The following FBXL17 variants were observed in gnomAD, a reference collection of about 807,000 sequenced individuals.
FBXL17 encodes the protein F-box and leucine rich repeat protein 17.
Under a neutral mutation model 66.2 loss-of-function variants are expected in FBXL17, and 22 were observed. The ratio of observed to expected loss-of-function variants is 0.33; its 90% CI spans 0.24 to 0.47. The LOEUF is 0.47. Among genes scored for constraint, FBXL17 ranks in the 20% least tolerant of loss-of-function variants. The pLI, the probability that FBXL17 is intolerant of heterozygous loss-of-function variation, is 1.00. For synonymous variants in FBXL17, 474 were observed against 400.5 expected (o/e 1.18, Z -2.19); for missense variants, 878 against 948.2 (o/e 0.93, Z 0.97).
rs538331805 is a variant in FBXL17, at chr5:108,050,179, C to T, written c.1746-29178G>A. On this transcript the variant is annotated intron_variant, in intron 6 of 8. Coordinates refer to ENST00000542267, the MANE Select transcript of FBXL17 (RefSeq NM_001163315.3). ...CCTCTGTCAATATTAGATAGATTAA[C>T]GAGACAGAAAATTAACAAGGATATT... Among the ~76,000 whole-genome samples the T allele has an allele frequency of 4.6e-5, 7 of 152,296 alleles. No homozygotes were observed. The East Asian group carries it at 5.8e-4, about 13-fold the overall frequency.
chr5:107,945,104 T>A (rs1361165793), intron 7 of FBXL17, among the ~76,000 whole-genome samples: 1 of 151,990 alleles, frequency 6.6e-6, no homozygotes, highest in Non-Finnish European at 1.5e-5. Flanking sequence ...AAAAAAGATA[T>A]GAATGGACAA....
intron 5 of FBXL17, among the ~76,000 whole-genome samples, chr5:108,206,410 T>C (rs903864748): frequency 1.3e-5 from 2 of 152,176 alleles, no homozygotes; most frequent in African/African-American, 4.8e-5. Context: ...AGACTGCACA[T>C]ACATATTTAA....
At chr5:108,256,892 C>T (rs1318467478) in intron 4 of FBXL17, among the ~76,000 whole-genome samples, 1 of 151,682 alleles carries the variant, frequency 6.6e-6, no homozygotes, top group Admixed American at 6.6e-5. Flanking sequence ...GTTTTTTAAG[C>T]GTGTAACAAG....
intron 7 of FBXL17, among the ~76,000 whole-genome samples, chr5:108,015,010 G>C (rs1323023100): frequency 6.6e-6 from 1 of 151,924 alleles, no homozygotes; most frequent in Non-Finnish European, 1.5e-5. Flanking sequence ...TCTCCCATTG[G>C]GTCTCTCCCA....
At chr5:108,298,904 A>ACTGAT (rs1580769919) in intron 4 of FBXL17, 1 of 938,214 alleles carries the variant, frequency 1.1e-6, no homozygotes, top group African/African-American at 1.8e-5. Context: ...CCATATCCAC[A>ACTGAT]TTAAAAGTAT....
At chr5:108,180,688 T>C (rs1020287865) in intron 6 of FBXL17, among the ~76,000 whole-genome samples, 3 of 152,158 alleles carry the variant, frequency 2.0e-5, no homozygotes, top group East Asian at 1.9e-4. Context: ...CTTACATAAA[T>C]ACAAGATTCA....
chr5:108,300,456 G>T (rs1758537055), intron 4 of FBXL17, among the ~76,000 whole-genome samples: 1 of 151,716 alleles, frequency 6.6e-6, no homozygotes, highest in South Asian at 2.1e-4. Flanking sequence ...TATAATAGTT[G>T]TAATTAAATG....
At chr5:108,105,605 G>A (rs1173623468) in intron 6 of FBXL17, among the ~76,000 whole-genome samples, 1 of 152,144 alleles carries the variant, frequency 6.6e-6, no homozygotes, top group Admixed American at 6.5e-5. Flanking sequence ...AAAAGAAAAA[G>A]AGCCATATAG....
At chr5:107,955,355 A>G (rs1751628687) in intron 7 of FBXL17, among the ~76,000 whole-genome samples, 1 of 152,176 alleles carries the variant, frequency 6.6e-6, no homozygotes, top group Non-Finnish European at 1.5e-5. Flanking sequence ...TTTAAAAACA[A>G]AAAAACTAAG....
chr5:108,169,429 T>G (rs10036675), intron 6 of FBXL17, among the ~76,000 whole-genome samples: 29,296 of 152,126 alleles, frequency 0.19, 3,528 homozygotes, highest in East Asian at 0.54. Flanking sequence ...TGTTTTGGTT[T>G]CCTTCAAATT....
intron 6 of FBXL17, among the ~76,000 whole-genome samples, chr5:108,047,132 C>T (rs543542100): frequency 6.6e-6 from 1 of 152,274 alleles, no homozygotes; most frequent in Non-Finnish European, 1.5e-5. Flanking sequence ...GTTCTTTCAA[C>T]AGAACTGACT....
intron 3 of FBXL17, among the ~76,000 whole-genome samples, chr5:108,355,260 C>T (rs1449440595): frequency 7.1e-6 from 1 of 141,410 alleles, no homozygotes; most frequent in African/African-American, 2.6e-5. Context: ...GGATGAAAAA[C>T]TTTATTTATT....
intron 6 of FBXL17, among the ~76,000 whole-genome samples, chr5:108,168,037 T>C (rs1357938941): frequency 6.6e-6 from 1 of 152,176 alleles, no homozygotes; most frequent in East Asian, 1.9e-4. Flanking sequence ...TGTGAGGAGC[T>C]TGTCACATCT....
At chr5:108,228,558 T>C (rs1292404332) in intron 4 of FBXL17, among the ~76,000 whole-genome samples, 1 of 152,178 alleles carries the variant, frequency 6.6e-6, no homozygotes, top group Non-Finnish European at 1.5e-5. Flanking sequence ...TAAAATAAGA[T>C]AATGCATGTA....
At chr5:108,055,534 G>A (rs181524141) in intron 6 of FBXL17, among the ~76,000 whole-genome samples, 41 of 148,884 alleles carry the variant, frequency 2.8e-4, no homozygotes, top group Non-Finnish European at 4.9e-4. Flanking sequence ...GCGTGAACCC[G>A]GGAGGTGGAG....
chr5:108,237,797 G>T (rs900730826), intron 4 of FBXL17, among the ~76,000 whole-genome samples: 1 of 152,178 alleles, frequency 6.6e-6, no homozygotes, highest in African/African-American at 2.4e-5. Flanking sequence ...GGGCACCTTA[G>T]TTAGGCCTAG....
chr5:108,370,667 T>C (rs773501873), intron 1 of FBXL17, among the ~76,000 whole-genome samples: 3 of 151,068 alleles, frequency 2.0e-5, no homozygotes, highest in Non-Finnish European at 4.4e-5. Flanking sequence ...CATTTGAACC[T>C]GGAAGGCGAA....
At chr5:108,256,244 T>C (rs1012438777) in intron 4 of FBXL17, among the ~76,000 whole-genome samples, 1 of 152,202 alleles carries the variant, frequency 6.6e-6, no homozygotes, top group African/African-American at 2.4e-5. Context: ...ATTCAATTAA[T>C]ATTAGGCAAA....
At chr5:108,247,372 A>G (rs1032475094) in intron 4 of FBXL17, among the ~76,000 whole-genome samples, 1 of 152,184 alleles carries the variant, frequency 6.6e-6, no homozygotes, top group African/African-American at 2.4e-5. Flanking sequence ...GAATGTACAA[A>G]GTATATGAGA....
Sources: allele counts gnomAD v4.1 joint callset (sites outside exome capture counted in the v4.1 genomes callset), GRCh38; gene constraint gnomAD v4.1.1; transcripts MANE v1.5; gene names NCBI Gene and HGNC (gene_info 2026-07-23, HGNC 2026-07-21).